The following CHL1 variants were observed in gnomAD, a reference collection of about 807,000 sequenced individuals.
The protein encoded by CHL1 is cell adhesion molecule L1 like.
CHL1 carries 96 observed loss-of-function variants against 141.9 expected under a neutral mutation model. The observed-to-expected ratio is 0.68, with a 90% CI of 0.57 to 0.80. CHL1 has a LOEUF of 0.80. CHL1 is among the 30% of genes least tolerant of loss of function. The pLI is 0.00. For missense variants in CHL1, 1,820 were observed against 1,457.2 expected (o/e 1.25, Z -4.05); for synonymous variants, 613 against 502.2 (o/e 1.22, Z -2.95).
chr3:338,216 C>T (rs147325050), intron 5 of CHL1, among the ~76,000 whole-genome samples: 18 of 152,224 alleles, frequency 1.2e-4, no homozygotes, highest in African/African-American at 4.3e-4. Flanking sequence ...AGGATCAAGT[C>T]CAGTCTTGTT....
Position 383,842 on chromosome 3 carries a change from A to G in CHL1, c.2203A>G (p.Arg735Gly). 6.2e-7 allele frequency: 1 copy of G among 1,610,384 alleles called. No individual in the cohort carries two copies. The highest frequency in any genetic ancestry group is 1.1e-5 in the South Asian group (1 of 90,828). The part of the protein sequence containing the change: ...AAPDRNPQNI[R>G]VQASQPKEMI... ...TCCAGATAGGAATCCACAAAACATA[A>G]GGGTTCAAGCCTCTCAACCCAAGGA... Residue 735 changes from arginine (R) to glycine (G), a missense_variant, in exon 19 of 28, where the codon AGG becomes GGG. Coordinates refer to ENST00000256509, the MANE Select transcript of CHL1 (RefSeq NM_006614.4).
At chr3:234,725 A>C (rs892663684) in intron 1 of CHL1, among the ~76,000 whole-genome samples, 5 of 152,064 alleles carry the variant, frequency 3.3e-5, no homozygotes, top group African/African-American at 7.2e-5. Flanking sequence ...ATATCCTGAG[A>C]TTGGCTATGT....
At position 383,904 on chromosome 3, in the gene CHL1, C is replaced by T. The variant is rs957937965; in HGVS notation, c.2247+18C>T. The T allele has an allele frequency of 1.9e-5, 29 of 1,555,738 alleles. No homozygotes were observed. Among genetic ancestry groups the T allele is most frequent in the South Asian group, 5.7e-5 (5 of 88,212 alleles). On this transcript the variant is annotated intron_variant, in intron 19 of 27. Coordinates refer to ENST00000256509, the MANE Select transcript of CHL1 (RefSeq NM_006614.4). ...AGTGGGAGGTGTGTATTTCTTAATA[C>T]GTTATGTATTTCTTTGTGCTTTTCT...
intron 5 of CHL1, among the ~76,000 whole-genome samples, chr3:337,184 TGTTTTTG>T (rs1559273847): frequency 2.0e-4 from 22 of 109,324 alleles, no homozygotes; most frequent in Admixed American, 2.3e-4. Flanking sequence ...AACATTCTTT[TGTTTTTG>T]TTTTTTTTTT....
At chr3:321,155 T>C (rs776205200) in intron 3 of CHL1, among the ~76,000 whole-genome samples, 1 of 152,090 alleles carries the variant, frequency 6.6e-6, no homozygotes, top group Non-Finnish European at 1.5e-5. Context: ...AATTACTTGA[T>C]GTACCTATTT....
intron 4 of CHL1, 40 bp downstream of exon 4, chr3:326,104 G>A (rs976860141): frequency 8.0e-7 from 1 of 1,254,432 alleles, no homozygotes; most frequent in South Asian, 1.2e-5. Context: ...TTAAATGCGT[G>A]CTGTTCTTTA....
intron 2 of CHL1, among the ~76,000 whole-genome samples, chr3:276,543 C>A (rs1043588551): frequency 3.9e-5 from 6 of 152,040 alleles, no homozygotes; most frequent in African/African-American, 1.4e-4. Context: ...TTAAAAGAGT[C>A]GTACACTGAT....
chr3:214,587 A>G (rs1700156292), intron 1 of CHL1, among the ~76,000 whole-genome samples: 1 of 152,192 alleles, frequency 6.6e-6, no homozygotes, highest in Non-Finnish European at 1.5e-5. Flanking sequence ...CATTTTAATT[A>G]CATTTATAAT....
At chr3:333,143 T>TTTTTTTTTTTTTTTTTTTC (rs1237327395) in intron 5 of CHL1, among the ~76,000 whole-genome samples, 1 of 144,756 alleles carries the variant, frequency 6.9e-6, no homozygotes, top group Non-Finnish European at 1.5e-5. Context: ...ATTTTTTTTT[T>TTTTTTTTTTTTTTTTTTTC]TTGCTGCTGC....
intron 2 of CHL1, among the ~76,000 whole-genome samples, chr3:313,412 T>C (rs761960686): frequency 6.6e-6 from 1 of 152,304 alleles, no homozygotes; most frequent in African/African-American, 2.4e-5. Flanking sequence ...TAGGATAAAG[T>C]AGAAACCTCT....
chr3:226,857 T>G (rs1200787392), intron 1 of CHL1, among the ~76,000 whole-genome samples: 1 of 152,200 alleles, frequency 6.6e-6, no homozygotes, highest in African/African-American at 2.4e-5. Context: ...ACAAGGATCC[T>G]TTTCTAAGTA....
rs2125133278 is a variant in CHL1 at position 249,953 on chromosome 3, T to C, written c.-95+5261T>C. ...GTGAATTAAACTAACAAAAGACAGATTAATAGGAAAAAAAAGCATACTTTT... is the reference window on the plus strand; with the variant it reads ...GTGAATTAAACTAACAAAAGACAGACTAATAGGAAAAAAAAGCATACTTTT... On this transcript the variant is annotated intron_variant, in intron 2 of 27. Transcript: ENST00000256509. Among the ~76,000 whole-genome samples, 4 of 151,986 alleles carry C rather than the reference T, an allele frequency of 2.6e-5. No homozygotes were observed. The Middle Eastern group carries it at 0.01, about 390-fold the overall frequency.
intron 1 of CHL1, among the ~76,000 whole-genome samples, chr3:205,104 C>CTTTTTTTTT (rs11424648): frequency 7.7e-6 from 1 of 129,122 alleles, no homozygotes; most frequent in Non-Finnish European, 1.6e-5. Context: ...TTCTTTCTTT[C>CTTTTTTTTT]TTTTTTTTTT....
Position 328,345 on chromosome 3 carries a change from A to G in CHL1, c.376A>G (p.Ile126Val), listed in dbSNP as rs1332869058. 6.2e-7 allele frequency: 1 copy of G among 1,610,696 alleles called. No individual in the cohort carries two copies. Among genetic ancestry groups the G allele is most frequent in the South Asian group, 1.1e-5 (1 of 90,624 alleles). ...GIAMSEEIEF[I>V]VPSVPKFPKE... ...CGCTATGTCAGAAGAAATAGAATTT[A>G]TAGTTCCAAGTAAGTACTATAACGG... The change falls in exon 5 of 28, where the codon ATA (isoleucine) becomes GTA (valine). Residue 126 changes from isoleucine to valine, a missense_variant. Ile to Val is a conservative substitution (Grantham distance 29). Transcript: ENST00000256509.
Position 382,276 on chromosome 3 carries a change from T to G in CHL1, c.1974T>G (p.Ile658Met). 1.2e-6 allele frequency: 2 copies of G among 1,612,842 alleles called. No homozygotes were observed. The highest frequency in any genetic ancestry group is 1.7e-6 in the Non-Finnish European group (2 of 1,179,000). ...CTGGAGCTGACCACAACAGCAATAT[T>G]AGCGGTAGGAAGACTTGGGATAACT... ...WEAGADHNSN[I>M]SEYIVEFEGN... Residue 658 changes from isoleucine to methionine, a missense_variant, in exon 17 of 28, where the codon ATT becomes ATG. Ile to Met is a conservative substitution (Grantham distance 10). Coordinates refer to ENST00000256509, the MANE Select transcript of CHL1 (RefSeq NM_006614.4).
At chr3:317,339 G>A (rs919215524) in intron 2 of CHL1, among the ~76,000 whole-genome samples, 4 of 151,940 alleles carry the variant, frequency 2.6e-5, no homozygotes, top group African/African-American at 9.7e-5. Flanking sequence ...TGAACTTACT[G>A]CCCTAAGTCA....
At chr3:281,583 A>G (rs1237618920) in intron 2 of CHL1, among the ~76,000 whole-genome samples, 5 of 148,124 alleles carry the variant, frequency 3.4e-5, no homozygotes, top group African/African-American at 1.2e-4. Flanking sequence ...TTTTTGAGAC[A>G]AAGTCCCACT....
intron 2 of CHL1, among the ~76,000 whole-genome samples, chr3:301,960 C>T (rs948700369): frequency 6.6e-6 from 1 of 152,202 alleles, no homozygotes; most frequent in Non-Finnish European, 1.5e-5. Context: ...CATGTGTTCT[C>T]CTTGTTCAAC....
At chr3:268,404 G>A (rs996004063) in intron 2 of CHL1, among the ~76,000 whole-genome samples, 3 of 151,972 alleles carry the variant, frequency 2.0e-5, no homozygotes, top group African/African-American at 7.3e-5. Context: ...GCACAGTGGT[G>A]GGCACCTGTA....
Sources: gnomAD v4.1 joint callset for allele counts (sites outside exome capture counted in the v4.1 genomes callset) on GRCh38, gnomAD v4.1.1 for gene constraint, MANE v1.5 for transcripts, NCBI Gene and HGNC (gene_info 2026-07-23, HGNC 2026-07-21) for gene names.